ANO2: variants seen among roughly 807,000 people sequenced by gnomAD.
ANO2 encodes anoctamin 2.
In ANO2, 101 loss-of-function variants were observed where a neutral mutation model predicts 124.2. The ratio of observed to expected loss-of-function variants is 0.81; its 90% CI spans 0.69 to 0.96. The LOEUF (loss-of-function observed/expected upper bound fraction) is 0.96. Among genes scored for constraint, ANO2 ranks in the 40% least tolerant of loss-of-function variants. ANO2 has a pLI of 0.00. For missense variants in ANO2, 1,293 were observed against 1,274.5 expected, an observed-to-expected ratio of 1.01 and a Z score of -0.22; for synonymous variants, 486 against 482.5, an observed-to-expected ratio of 1.01 and a Z score of -0.09.
intron 14 of ANO2, among the ~76,000 whole-genome samples, chr12:5,703,593 G>A (rs1450387827): frequency 6.6e-6 from 1 of 152,092 alleles, no homozygotes; most frequent in African/African-American, 2.4e-5. Context: ...AGGCTGGAGT[G>A]CAGTGGCACA....
intron 10 of ANO2, among the ~76,000 whole-genome samples, chr12:5,758,526 A>G (rs943781098): frequency 6.6e-6 from 1 of 152,214 alleles, no homozygotes; most frequent in Non-Finnish European, 1.5e-5. Flanking sequence ...GGCATGGAGA[A>G]ATACCCCATT....
chr12:5,668,806 C>A (rs1228557217), intron 14 of ANO2, among the ~76,000 whole-genome samples: 1 of 152,110 alleles, frequency 6.6e-6, no homozygotes, highest in African/African-American at 2.4e-5. Flanking sequence ...ATAGGGAATC[C>A]TTTCCCCATT....
At chr12:5,684,914 GA>G (rs1948643662) in intron 14 of ANO2, among the ~76,000 whole-genome samples, 1 of 152,206 alleles carries the variant, frequency 6.6e-6, no homozygotes, top group African/African-American at 2.4e-5. Flanking sequence ...TAGCCTGGGA[GA>G]CTCAAGCACA....
chr12:5,800,605 C>T lies in ANO2; in HGVS notation c.991-1034G>A, dbSNP rs80274407. Among the ~76,000 whole-genome samples, 631 of 152,280 alleles carry T rather than the reference C, an allele frequency of 4.1e-3. 5 individuals are homozygous for T. The highest frequency in any genetic ancestry group is 0.015 in the African/African-American group (604 of 41,542). ...TTAAAGGTAAAGCCTGTAAGATTTACTGCTGGATTGGATGTGGGATGAGAA... is the reference window on the plus strand; with the variant it reads ...TTAAAGGTAAAGCCTGTAAGATTTATTGCTGGATTGGATGTGGGATGAGAA... On this transcript the variant is annotated intron_variant, in intron 9 of 24. Transcript: ENST00000682330.
At chr12:5,835,413 A>T (rs750636875) in intron 4 of ANO2, among the ~76,000 whole-genome samples, 6 of 152,208 alleles carry the variant, frequency 3.9e-5, no homozygotes, top group Non-Finnish European at 7.3e-5. Context: ...AGAGCTGTGA[A>T]TTAAGAAGAT....
In ANO2 at chr12:5,636,304, C is replaced by T. The variant is rs1295775156; in HGVS notation, c.1621-957G>A. Among the ~76,000 whole-genome samples, 1 of 152,078 alleles carries T rather than the reference C, an allele frequency of 6.6e-6. No homozygotes were observed. The highest frequency in any genetic ancestry group is 1.5e-5 in the Non-Finnish European group (1 of 68,028). On this transcript the variant is annotated intron_variant, in intron 15 of 24. Transcript: ENST00000682330. This position sits in a 1 kb window ranked among gnomAD's most constrained non-coding sequence, Gnocchi z 4.6. The stretch of plus-strand genomic sequence containing the variant: ...CCAAGGAAGGATCATTTCCAGGAAG[C>T]ACAAGGATGCTATGAGAAGCAAGTG...
chr12:5,931,319 G>A (rs1303662532), intron 1 of ANO2, among the ~76,000 whole-genome samples: 1 of 151,996 alleles, frequency 6.6e-6, no homozygotes, highest in African/African-American at 2.4e-5. Flanking sequence ...ACCATTCTTT[G>A]GGAGGTTGGG....
chr12:5,644,697 T>C (rs1226272668), intron 15 of ANO2, among the ~76,000 whole-genome samples: 1 of 152,242 alleles, frequency 6.6e-6, no homozygotes, highest in African/African-American at 2.4e-5. Context: ...TGGTCTTCCA[T>C]ATGGGATCAC....
At chr12:5,790,647 C>T (rs921850860) in intron 10 of ANO2, among the ~76,000 whole-genome samples, 1 of 152,168 alleles carries the variant, frequency 6.6e-6, no homozygotes, top group African/African-American at 2.4e-5. Context: ...CCTACCTTGC[C>T]CAGCACTGCC....
chr12:5,770,410 T>C (rs994864830), intron 10 of ANO2, among the ~76,000 whole-genome samples: 51 of 152,134 alleles, frequency 3.4e-4, no homozygotes, highest in African/African-American at 1.2e-3. Context: ...GGTTTCCTTG[T>C]TGCACTGGAA....
In ANO2 at chr12:5,659,164, C is replaced by T. The variant is rs1947323015; in HGVS notation, c.1546-11363G>A. Among the ~76,000 whole-genome samples, 4 of 152,272 alleles carry T rather than the reference C, an allele frequency of 2.6e-5. 1 individual carries two copies. In the South Asian group the frequency reaches 8.3e-4, roughly 32 times the overall value. ...CAAGGCCTCTCACAAACAGCACCTACTATAGCAGCAGAGGTTCCCCCACCA... is the reference window on the plus strand; with the variant it reads ...CAAGGCCTCTCACAAACAGCACCTATTATAGCAGCAGAGGTTCCCCCACCA... On this transcript the variant is annotated intron_variant, in intron 14 of 24. Transcript: ENST00000682330.
chr12:5,585,586 G>A (rs2136858346), intron 20 of ANO2, among the ~76,000 whole-genome samples: 1 of 152,336 alleles, frequency 6.6e-6, no homozygotes, highest in East Asian at 1.9e-4. Context: ...ACAGACTGGT[G>A]AACTTCCAGT....
chr12:5,931,552 T>C (rs373770345), intron 1 of ANO2, among the ~76,000 whole-genome samples: 3,879 of 133,996 alleles, frequency 0.029, 71 homozygotes, highest in South Asian at 0.069. Flanking sequence ...GGTAAGAAAG[T>C]GACTAATAAG....
At chr12:5,641,166 C>T (rs1172893488) in intron 15 of ANO2, among the ~76,000 whole-genome samples, 1 of 144,832 alleles carries the variant, frequency 6.9e-6, no homozygotes, top group African/African-American at 2.6e-5. Context: ...TAGGTTGGAA[C>T]TGAACAATGA....
chr12:5,755,529 A>G (rs1417866863), intron 10 of ANO2, among the ~76,000 whole-genome samples: 3 of 152,042 alleles, frequency 2.0e-5, no homozygotes, highest in Non-Finnish European at 1.5e-5. Flanking sequence ...TACATTAGGT[A>G]TATCTCTTAA....
rs1424834682 is a variant in ANO2, at chr12:5,636,811, G to A, written c.1621-1464C>T. Among the ~76,000 whole-genome samples, 1 of 152,080 alleles carries A rather than the reference G, an allele frequency of 6.6e-6. No homozygotes were observed. Among genetic ancestry groups the A allele is most frequent in the Non-Finnish European group, 1.5e-5 (1 of 68,022 alleles). On this transcript the variant is annotated intron_variant, in intron 15 of 24. Transcript: ENST00000682330. The surrounding 1 kb of genome is among the most constrained non-coding windows in gnomAD (Gnocchi z 4.6). ...GCTAATGGGTGGCAGATGTGTCCAG[G>A]TATGGATGTTTTCAGACCTCTGGGG...
chr12:5,631,990 GC>G (rs1565497235), intron 16 of ANO2, among the ~76,000 whole-genome samples: 1 of 152,140 alleles, frequency 6.6e-6, no homozygotes, highest in Non-Finnish European at 1.5e-5. Flanking sequence ...AATGGCACAG[GC>G]GTTAGGCTGT....
chr12:5,795,115 C>G (rs556236188), intron 10 of ANO2, among the ~76,000 whole-genome samples: 9 of 152,238 alleles, frequency 5.9e-5, no homozygotes, highest in South Asian at 2.1e-4. Flanking sequence ...GCTGGGGAAC[C>G]CTGGCAAGGA....
At chr12:5,855,796 G>T (rs1369468488) in intron 3 of ANO2, among the ~76,000 whole-genome samples, 1 of 152,224 alleles carries the variant, frequency 6.6e-6, no homozygotes, top group African/African-American at 2.4e-5. Context: ...GTGCAATAAA[G>T]ATAGTGTTCA....
Sources: allele counts gnomAD v4.1 joint callset (sites outside exome capture counted in the v4.1 genomes callset), GRCh38; gene constraint gnomAD v4.1.1; non-coding constraint Gnocchi (gnomAD v3.1); transcripts MANE v1.5; gene names NCBI Gene and HGNC (gene_info 2026-07-23, HGNC 2026-07-21).